Variants in STYK1 observed in about 807,000 individuals in gnomAD.
STYK1 encodes tyrosine-protein kinase STYK1.
In STYK1, 46 loss-of-function variants were observed where a neutral mutation model predicts 48.1. That is an observed-to-expected ratio of 0.96 (90% CI 0.75 to 1.22). The LOEUF (loss-of-function observed/expected upper bound fraction) is 1.22, where lower values mean the gene tolerates loss of function less well. STYK1 is among the 50% of genes most tolerant of loss of function. The pLI, the probability that STYK1 is intolerant of heterozygous loss-of-function variation, is 0.00. For missense variants in STYK1, 527 were observed against 521.1 expected, an observed-to-expected ratio of 1.01 and a Z score of -0.11; for synonymous variants, 188 against 189.0, an observed-to-expected ratio of 0.99 and a Z score of 0.04.
At chr12:10,630,774 G>A (rs977360179) in intron 5 of STYK1, among the ~76,000 whole-genome samples, 2 of 151,756 alleles carry the variant, frequency 1.3e-5, no homozygotes, top group African/African-American at 2.4e-5. Flanking sequence ...AAAACCCACA[G>A]CTAACATCTT....
chr12:10,673,910 C>T (rs1439030333), intron 1 of STYK1, 56 bp downstream of exon 1: 1 of 152,824 alleles, frequency 6.5e-6, no homozygotes, highest in Non-Finnish European at 1.5e-5. Flanking sequence ...CTGCCATTCC[C>T]TTCCCACCTT....
chr12:10,643,500 T>C (rs981607421), intron 1 of STYK1, among the ~76,000 whole-genome samples: 1 of 152,246 alleles, frequency 6.6e-6, no homozygotes, highest in African/African-American at 2.4e-5. Context: ...ACAATCTAGT[T>C]AGTTTATCTC....
Position 10,620,024 on chromosome 12 carries a change from G to T in STYK1, c.*120C>A. ...ATTTCCCGAGAAATGTGTAAAGGAA[G>T]ATCAAGAATCCATGTCCCATTTCTC... On this transcript the variant is annotated 3_prime_UTR_variant, in exon 11 of 11. Transcript: ENST00000075503. 1 of 1,119,022 alleles carries T rather than the reference G, an allele frequency of 8.9e-7. No individual in the cohort carries two copies. Among genetic ancestry groups the T allele is most frequent in the Non-Finnish European group, 1.3e-6 (1 of 759,174 alleles). The allele number at this position is 1,119,022 out of a possible 1,614,324, so 69.3% of individuals were successfully genotyped here.
chr12:10,629,598 G>A lies in STYK1; in HGVS notation c.528C>T (p.Asn176=). The change falls in exon 6 of 11, where the codon AAC becomes AAT. Residue 176 remains asparagine, a synonymous_variant. Coordinates refer to ENST00000075503, the MANE Select transcript of STYK1 (RefSeq NM_018423.3). ...QFHQYLGKHK[N]LVQLEGCCTE... is the part of the protein sequence containing the mutation. Reference sequence around the variant, plus strand: ...TGCAGCAGCCTTCCAGCTGCACCAGGTTTTTGTGTTTCCCCAGGTATTGAT... The same window carrying A: ...TGCAGCAGCCTTCCAGCTGCACCAGATTTTTGTGTTTCCCCAGGTATTGAT... 6.2e-7 allele frequency: 1 copy of A among 1,614,168 alleles called. No homozygotes were observed.
At chr12:10,650,736 C>T (rs1947653628) in intron 1 of STYK1, among the ~76,000 whole-genome samples, 1 of 152,182 alleles carries the variant, frequency 6.6e-6, no homozygotes. Flanking sequence ...CGCAGTGGCT[C>T]ACCCCTGTAA....
chr12:10,629,086 A>G lies in STYK1; in HGVS notation c.633+407T>C, dbSNP rs137996966. Among the ~76,000 whole-genome samples the G allele has an allele frequency of 1.6e-3, 250 of 152,318 alleles. 2 individuals are homozygous for G. Among genetic ancestry groups the G allele is most frequent in the African/African-American group, 5.5e-3 (228 of 41,548 alleles). On this transcript the variant is annotated intron_variant, in intron 6 of 10. Coordinates refer to ENST00000075503, the MANE Select transcript of STYK1 (RefSeq NM_018423.3). ...CCCATTTTACAGATTCAGAAAACTC[A>G]GGATCAGAAAGGTGACTTGCTCACA...
At chr12:10,626,802 C>T (rs559732355) in intron 7 of STYK1, among the ~76,000 whole-genome samples, 26 of 152,144 alleles carry the variant, frequency 1.7e-4, no homozygotes, top group African/African-American at 6.3e-4. Flanking sequence ...GTCGGGAGAT[C>T]GAGACCATCC....
chr12:10,651,189 CTGCTCTAAACTTGTA>C (rs1947659306), intron 1 of STYK1, among the ~76,000 whole-genome samples: 1 of 152,148 alleles, frequency 6.6e-6, no homozygotes, highest in African/African-American at 2.4e-5. Context: ...TGCACTTTTC[CTGCTCTAAACTTGTA>C]TGCATGAGCG....
At chr12:10,641,699 A>G (rs1947546739) in intron 1 of STYK1, among the ~76,000 whole-genome samples, 1 of 152,242 alleles carries the variant, frequency 6.6e-6, no homozygotes, top group Non-Finnish European at 1.5e-5. Context: ...TCACTATAAA[A>G]TTTCTATATG....
chr12:10,640,628 C>T (rs1947533380), intron 1 of STYK1: 1 of 152,142 alleles, frequency 6.6e-6, no homozygotes, highest in Admixed American at 6.5e-5. Context: ...CCTAGGAGTC[C>T]TGCGCCTGTT....
intron 1 of STYK1, among the ~76,000 whole-genome samples, chr12:10,643,216 T>C (rs1224526779): frequency 1.3e-5 from 2 of 152,204 alleles, no homozygotes; most frequent in East Asian, 3.9e-4. Flanking sequence ...AAATCAATCC[T>C]AAGTGAGATT....
chr12:10,627,862 G>T, intron 6 of STYK1, 138 bp from the exon 7 acceptor site: 2 of 627,366 alleles, frequency 3.2e-6, no homozygotes, highest in Non-Finnish European at 5.2e-6. Context: ...TCAAAGTGAG[G>T]CTGTGGGAGA....
chr12:10,651,329 C>G (rs988456879), intron 1 of STYK1, among the ~76,000 whole-genome samples: 3 of 152,154 alleles, frequency 2.0e-5, no homozygotes, highest in Non-Finnish European at 2.9e-5. Flanking sequence ...TCTTACAAGT[C>G]TCAGAAGCAT....
intron 1 of STYK1, among the ~76,000 whole-genome samples, chr12:10,646,860 G>A (rs1947605517): frequency 1.3e-5 from 2 of 152,228 alleles, no homozygotes; most frequent in African/African-American, 4.8e-5. Context: ...GGTACAGCTT[G>A]GGCTGTTGCT....
chr12:10,632,758 G>A (rs1947443923), intron 4 of STYK1, among the ~76,000 whole-genome samples: 1 of 152,154 alleles, frequency 6.6e-6, no homozygotes, highest in African/African-American at 2.4e-5. Context: ...TTTGCTTATG[G>A]ATTAGATACA....
intron 1 of STYK1, among the ~76,000 whole-genome samples, chr12:10,656,259 ATT>A (rs578129367): frequency 5.3e-4 from 80 of 152,244 alleles, no homozygotes; most frequent in African/African-American, 1.8e-3. Flanking sequence ...GCCACGTGGA[ATT>A]GTAAGTCCAT....
At chr12:10,653,876 A>T (rs561120994) in intron 1 of STYK1, among the ~76,000 whole-genome samples, 1 of 152,172 alleles carries the variant, frequency 6.6e-6, no homozygotes, top group South Asian at 2.1e-4. Context: ...CATCTTGAAC[A>T]GGGGCTTGGT....
Position 10,634,659 on chromosome 12 carries a change from A to G in STYK1, c.-41T>C. ...CCCTTCCCTGCTAGGCCCACAGAGA[A>G]TGCACACAGCACAGCTGTGAGTAAT... is the stretch of plus-strand genomic sequence containing the variant. On this transcript the variant is annotated 5_prime_UTR_variant, in exon 3 of 11. Coordinates refer to ENST00000075503, the MANE Select transcript of STYK1 (RefSeq NM_018423.3). The G allele has an allele frequency of 6.2e-7, 1 of 1,612,764 alleles. No individual in the cohort carries two copies. Among genetic ancestry groups the G allele is most frequent in the Non-Finnish European group, 8.5e-7 (1 of 1,178,856 alleles).
intron 1 of STYK1, among the ~76,000 whole-genome samples, chr12:10,637,487 A>T (rs981033310): frequency 1.3e-5 from 2 of 151,716 alleles, no homozygotes; most frequent in Non-Finnish European, 2.9e-5. Flanking sequence ...ACAGGCACCC[A>T]CCACCACGCA....
Sources: allele counts gnomAD v4.1 joint callset (sites outside exome capture counted in the v4.1 genomes callset), GRCh38; gene constraint gnomAD v4.1.1; transcripts MANE v1.5; gene names NCBI Gene and HGNC (gene_info 2026-07-23, HGNC 2026-07-21).